Variants in CHCHD3 observed in about 807,000 individuals in gnomAD.
CHCHD3 encodes MICOS complex subunit MIC19.
In CHCHD3, 20 loss-of-function variants were observed where a neutral mutation model predicts 38.2. That is an observed-to-expected ratio of 0.52 (90% confidence interval 0.37 to 0.76). CHCHD3 has a LOEUF of 0.76. CHCHD3 is among the 30% of genes least tolerant of loss of function. CHCHD3 has a pLI of 0.00. For missense variants in CHCHD3, 245 were observed against 279.2 expected (o/e 0.88, Z 0.87); for synonymous variants, 82 against 100.0 (o/e 0.82, Z 1.07).
chr7:132,816,835 T>C (rs934667565), intron 6 of CHCHD3, among the ~76,000 whole-genome samples: 8 of 152,186 alleles, frequency 5.3e-5, no homozygotes, highest in Non-Finnish European at 1.0e-4. Context: ...TTTCATTCTA[T>C]TGCTTGAGAG....
intron 4 of CHCHD3, among the ~76,000 whole-genome samples, chr7:132,965,850 G>A (rs1029360193): frequency 1.3e-5 from 2 of 152,172 alleles, no homozygotes; most frequent in Non-Finnish European, 2.9e-5. Context: ...CAGGCAGAGG[G>A]TAAGTATGGA....
intron 7 of CHCHD3, among the ~76,000 whole-genome samples, chr7:132,791,817 T>C (rs762404609): frequency 2.1e-4 from 32 of 152,148 alleles, no homozygotes; most frequent in Non-Finnish European, 3.8e-4. Flanking sequence ...TAGCCTTAAG[T>C]TGGAGAGCTG....
chr7:133,005,942 T>C (rs1197945427), intron 3 of CHCHD3, among the ~76,000 whole-genome samples: 1 of 152,244 alleles, frequency 6.6e-6, no homozygotes, highest in Non-Finnish European at 1.5e-5. Flanking sequence ...AGCTATATCA[T>C]ATCTCACCTA....
At chr7:133,022,539 A>G (rs1375021107) in intron 3 of CHCHD3, 1 of 455,646 alleles carries the variant, frequency 2.2e-6, no homozygotes, top group African/African-American at 2.0e-5. Flanking sequence ...TGATTCTCCT[A>G]AGAACTATCA....
At chr7:132,823,545 C>G (rs1011859278) in intron 6 of CHCHD3, among the ~76,000 whole-genome samples, 2 of 152,082 alleles carry the variant, frequency 1.3e-5, no homozygotes, top group Non-Finnish European at 2.9e-5. Context: ...CTTTTCGCTA[C>G]AGTAAGTCTC....
At chr7:132,978,492 T>C (rs1811830737) in intron 3 of CHCHD3, among the ~76,000 whole-genome samples, 1 of 152,094 alleles carries the variant, frequency 6.6e-6, no homozygotes, top group South Asian at 2.1e-4. Flanking sequence ...CTGCCACATA[T>C]CAAACACGCA....
chr7:132,867,906 A>AAGTTAGC (rs1808671276), intron 5 of CHCHD3, among the ~76,000 whole-genome samples: 1 of 152,316 alleles, frequency 6.6e-6, no homozygotes, highest in African/African-American at 2.4e-5. Context: ...TCACAGTGGC[A>AAGTTAGC]AGTTAGCAGG....
At chr7:132,914,079 C>T (rs1252176908) in intron 4 of CHCHD3, among the ~76,000 whole-genome samples, 1 of 150,536 alleles carries the variant, frequency 6.6e-6, no homozygotes, top group African/African-American at 2.5e-5. Context: ...CCTGTCTCAG[C>T]CTCCCGAGTA....
At chr7:132,992,942 G>T (rs1384064504) in intron 3 of CHCHD3, among the ~76,000 whole-genome samples, 1 of 152,118 alleles carries the variant, frequency 6.6e-6, no homozygotes, top group Non-Finnish European at 1.5e-5. Flanking sequence ...CATATCAATG[G>T]TCCTCTTTTT....
chr7:132,832,354 T>C (rs1224287130), intron 6 of CHCHD3, among the ~76,000 whole-genome samples: 2 of 152,222 alleles, frequency 1.3e-5, no homozygotes, highest in South Asian at 2.1e-4. Context: ...AAAGGAGTAT[T>C]ACTGGTATTC....
chr7:132,926,467 G>A (rs1449157898), intron 4 of CHCHD3, among the ~76,000 whole-genome samples: 2 of 152,160 alleles, frequency 1.3e-5, no homozygotes, highest in Admixed American at 1.3e-4. Flanking sequence ...GAGATCTGAT[G>A]GCCTGTTGGG....
chr7:133,078,227 T>G (rs1178551428), intron 1 of CHCHD3, among the ~76,000 whole-genome samples: 1 of 152,166 alleles, frequency 6.6e-6, no homozygotes, highest in Non-Finnish European at 1.5e-5. Context: ...GAGAATCACT[T>G]GAACCTGGGA....
chr7:133,001,620 G>A (rs866127903), intron 3 of CHCHD3, among the ~76,000 whole-genome samples: 1 of 152,006 alleles, frequency 6.6e-6, no homozygotes, highest in Non-Finnish European at 1.5e-5. Flanking sequence ...TTCCAGAAAG[G>A]AGCAATGGCT....
At chr7:132,981,140 C>T (rs1379647391) in intron 3 of CHCHD3, among the ~76,000 whole-genome samples, 1 of 151,920 alleles carries the variant, frequency 6.6e-6, no homozygotes, top group Non-Finnish European at 1.5e-5. Context: ...TGCATGCCAC[C>T]AAGCCTGGCT....
At chr7:132,970,544 A>T (rs1259942948) in intron 4 of CHCHD3, among the ~76,000 whole-genome samples, 1 of 152,254 alleles carries the variant, frequency 6.6e-6, no homozygotes, top group Non-Finnish European at 1.5e-5. Flanking sequence ...GCATGGCTCT[A>T]TAACAGACTT....
At chr7:133,004,394 A>G (rs979847753) in intron 3 of CHCHD3, among the ~76,000 whole-genome samples, 1 of 152,240 alleles carries the variant, frequency 6.6e-6, no homozygotes, top group African/African-American at 2.4e-5. Context: ...GTGGCTTCAG[A>G]GTTCACAAAA....
intron 3 of CHCHD3, among the ~76,000 whole-genome samples, chr7:133,001,521 G>GT (rs201954622): frequency 2.0e-5 from 3 of 151,534 alleles, no homozygotes; most frequent in Admixed American, 6.6e-5. Context: ...AAACTAAGTT[G>GT]TTTTTTTTAA....
chr7:133,053,487 C>T (rs904643002), intron 2 of CHCHD3, among the ~76,000 whole-genome samples: 7 of 152,312 alleles, frequency 4.6e-5, no homozygotes, highest in South Asian at 2.1e-4. Flanking sequence ...CTGCTAGTCA[C>T]GGGACACGTC....
intron 4 of CHCHD3, among the ~76,000 whole-genome samples, chr7:132,955,186 G>GTGTGTGTGTGTGTGTA (rs1811132429): frequency 1.3e-5 from 2 of 150,034 alleles, no homozygotes; most frequent in African/African-American, 4.9e-5. Context: ...GTGTGTGTGT[G>GTGTGTGTGTGTGTGTA]TGTGTGTGTG....
Sources: gnomAD v4.1 joint callset for allele counts (sites outside exome capture counted in the v4.1 genomes callset) on GRCh38, gnomAD v4.1.1 for gene constraint, MANE v1.5 for transcripts, NCBI Gene and HGNC (gene_info 2026-07-23, HGNC 2026-07-21) for gene names.